CDH13: variants seen among roughly 807,000 people sequenced by gnomAD.
The protein encoded by CDH13 is cadherin-13.
A neutral mutation model predicts 63.8 loss-of-function variants in CDH13; 24 were observed. The observed-to-expected ratio is 0.38, with a 90% CI of 0.27 to 0.53. CDH13 has a LOEUF of 0.53. CDH13 is among the 20% of genes least tolerant of loss of function. The pLI, the probability that CDH13 is intolerant of heterozygous loss-of-function variation, is 0.85. For missense variants in CDH13, 1,049 were observed against 903.1 expected, an observed-to-expected ratio of 1.16 and a Z score of -2.07; for synonymous variants, 503 against 355.3, an observed-to-expected ratio of 1.42 and a Z score of -4.67.
intron 2 of CDH13, among the ~76,000 whole-genome samples, chr16:82,863,098 G>C (rs986689323): frequency 3.8e-4 from 58 of 152,302 alleles, no homozygotes; most frequent in African/African-American, 1.1e-3. Context: ...ATCGATGCAG[G>C]ATCACAGTCT....
intron 1 of CDH13, among the ~76,000 whole-genome samples, chr16:82,643,856 C>T (rs1909731308): frequency 6.6e-6 from 1 of 151,912 alleles, no homozygotes. Flanking sequence ...AACCCTCTTG[C>T]CTCAGTTCTG....
intron 10 of CDH13, among the ~76,000 whole-genome samples, chr16:83,747,671 C>G (rs1051507793): frequency 2.0e-5 from 3 of 150,388 alleles, no homozygotes; most frequent in Non-Finnish European, 4.4e-5. Context: ...CCAATATTGC[C>G]CTGGATCAGA....
At chr16:83,604,683 C>A (rs1038748818) in intron 8 of CDH13, among the ~76,000 whole-genome samples, 1 of 151,822 alleles carries the variant, frequency 6.6e-6, no homozygotes, top group African/African-American at 2.4e-5. Context: ...TTTTGTTTAT[C>A]TTTATAATTT....
chr16:82,747,450 A>G lies in CDH13; in HGVS notation c.46-110912A>G, dbSNP rs1362740414. Among the ~76,000 whole-genome samples the G allele has an allele frequency of 3.6e-5, 5 of 140,158 alleles. No individual in the cohort carries two copies. The Admixed American group carries it at 3.8e-4, about 11-fold the overall frequency. 91.9% of individuals were successfully genotyped at this position (140,158 alleles called of 152,430 possible). A position where few individuals can be genotyped will look rare whatever the true frequency, so the allele number is the denominator to read the frequency against. On this transcript the variant is annotated intron_variant, in intron 1 of 13. Transcript: ENST00000567109. ...GGTCTGGATTATTTCACGTATTGGCAGATGTGTATTTATTTTTTAGTGCAG... is the reference window on the plus strand; with the variant it reads ...GGTCTGGATTATTTCACGTATTGGCGGATGTGTATTTATTTTTTAGTGCAG...
intron 4 of CDH13, among the ~76,000 whole-genome samples, chr16:83,201,523 C>T (rs1392044483): frequency 6.6e-6 from 1 of 152,094 alleles, no homozygotes; most frequent in African/African-American, 2.4e-5. Flanking sequence ...GAATTCAAGC[C>T]ATTACCAGAC....
intron 1 of CDH13, among the ~76,000 whole-genome samples, chr16:82,674,868 G>C (rs1429400784): frequency 6.6e-6 from 1 of 152,160 alleles, no homozygotes; most frequent in African/African-American, 2.4e-5. Context: ...TCTCTTTATA[G>C]ATAGAATGTG....
At chr16:83,302,828 C>T (rs1465652268) in intron 5 of CDH13, among the ~76,000 whole-genome samples, 2 of 152,214 alleles carry the variant, frequency 1.3e-5, no homozygotes, top group Non-Finnish European at 2.9e-5. Context: ...GTTGCTTTAG[C>T]TTCATGTGAC....
At chr16:83,727,626 A>G (rs1910563555) in intron 10 of CDH13, among the ~76,000 whole-genome samples, 1 of 152,164 alleles carries the variant, frequency 6.6e-6, no homozygotes, top group African/African-American at 2.4e-5. Flanking sequence ...TGGAGATTTT[A>G]TAAGCCGAGA....
chr16:82,678,456 G>T (rs1256550711), intron 1 of CDH13, among the ~76,000 whole-genome samples: 3 of 151,958 alleles, frequency 2.0e-5, no homozygotes, highest in African/African-American at 7.3e-5. Context: ...TAAGGGCAAG[G>T]AATAGGTTAT....
At chr16:83,142,352 G>T (rs968134552) in intron 4 of CDH13, among the ~76,000 whole-genome samples, 1 of 151,916 alleles carries the variant, frequency 6.6e-6, no homozygotes, top group Admixed American at 6.6e-5. Flanking sequence ...AGCAGAGGTG[G>T]GGTTTTGCCA....
rs117659708 is a variant in CDH13, at chr16:83,170,160, C to T, written c.483+44659C>T. The stretch of plus-strand genomic sequence containing the variant: ...TTGCAAAAATGCCATACTGTTCCAA[C>T]ACTCATAGTTTTATAATGTGTCTTA... On this transcript the variant is annotated intron_variant, in intron 4 of 13. Transcript: ENST00000567109. Among the ~76,000 whole-genome samples the T allele has an allele frequency of 5.2e-3, 793 of 152,268 alleles. 9 individuals carry two copies. The highest frequency in any genetic ancestry group is 8.4e-3 in the Non-Finnish European group (573 of 68,018).
chr16:83,619,549 A>G (rs986326413), intron 8 of CDH13, among the ~76,000 whole-genome samples: 3 of 152,116 alleles, frequency 2.0e-5, no homozygotes, highest in Non-Finnish European at 4.4e-5. Flanking sequence ...GCTGGGAGAG[A>G]GAATTGGTTT....
chr16:83,760,270 T>C (rs1359325347), intron 11 of CDH13, among the ~76,000 whole-genome samples: 1 of 152,186 alleles, frequency 6.6e-6, no homozygotes, highest in African/African-American at 2.4e-5. Context: ...GAAGTGTAAA[T>C]TGGGTACAGC....
chr16:83,693,803 G>C (rs2150895913), intron 10 of CDH13, among the ~76,000 whole-genome samples: 1 of 152,280 alleles, frequency 6.6e-6, no homozygotes, highest in South Asian at 2.1e-4. Context: ...TTCCTAGTTT[G>C]GGCATTGGGA....
At chr16:83,334,423 G>A (rs773974331) in intron 5 of CDH13, among the ~76,000 whole-genome samples, 1 of 148,598 alleles carries the variant, frequency 6.7e-6, no homozygotes, top group Non-Finnish European at 1.5e-5. Context: ...CTAGGCTAGA[G>A]TGCAGTTGCA....
At position 83,408,075 on chromosome 16, in the gene CDH13, G is replaced by A. The variant is rs192325716; in HGVS notation, c.781+63069G>A. On this transcript the variant is annotated intron_variant, in intron 6 of 13. Transcript: ENST00000567109. Reference sequence around the variant, plus strand: ...AGCAGTGGCACCAGAAGATTTAGCTGTGTTGGGGACAACGTTCAGAATCCT... The same window carrying A: ...AGCAGTGGCACCAGAAGATTTAGCTATGTTGGGGACAACGTTCAGAATCCT... Among the ~76,000 whole-genome samples the A allele has an allele frequency of 5.3e-5, 8 of 152,298 alleles. No homozygotes were observed. The East Asian group carries it at 1.5e-3, about 29-fold the overall frequency.
intron 4 of CDH13, among the ~76,000 whole-genome samples, chr16:83,206,979 G>A (rs28429871): frequency 1.1e-4 from 17 of 152,154 alleles, no homozygotes; most frequent in Non-Finnish European, 2.4e-4. Context: ...AAAATACTTC[G>A]GAATGTGACA....
chr16:83,055,155 A>C (rs72796217), intron 3 of CDH13, among the ~76,000 whole-genome samples: 2 of 152,026 alleles, frequency 1.3e-5, no homozygotes, highest in African/African-American at 4.8e-5. Context: ...TGGAAATACA[A>C]CATAACAAAA....
chr16:83,168,692 C>T (rs2037793006), intron 4 of CDH13, among the ~76,000 whole-genome samples: 1 of 151,996 alleles, frequency 6.6e-6, no homozygotes, highest in African/African-American at 2.4e-5. Context: ...TTTTTCTATC[C>T]ATATGAGTAT....
Sources: allele counts gnomAD v4.1 joint callset (sites outside exome capture counted in the v4.1 genomes callset), GRCh38; gene constraint gnomAD v4.1.1; transcripts MANE v1.5; gene names NCBI Gene and HGNC (gene_info 2026-07-23, HGNC 2026-07-21).